Variants in SGCZ observed in about 807,000 individuals in gnomAD.
The protein encoded by SGCZ is sarcoglycan zeta, also known as zeta-sarcoglycan.
SGCZ carries 40 observed loss-of-function variants against 41.3 expected under a neutral mutation model. The ratio of observed to expected loss-of-function variants is 0.97; its 90% CI spans 0.75 to 1.26. The LOEUF (loss-of-function observed/expected upper bound fraction) is 1.26. SGCZ is among the 50% of genes most tolerant of loss of function. SGCZ has a pLI of 0.00. For missense variants in SGCZ, 552 were observed against 369.8 expected (o/e 1.49, Z -4.04); for synonymous variants, 206 against 137.5 (o/e 1.50, Z -3.49).
At chr8:14,962,651 AAC>A (rs1385947115) in intron 1 of SGCZ, among the ~76,000 whole-genome samples, 1 of 152,200 alleles carries the variant, frequency 6.6e-6, no homozygotes, top group Admixed American at 6.5e-5. Flanking sequence ...TAAGGAAAGT[AAC>A]ACAGTCACTA....
At chr8:14,617,514 T>C (rs967196666) in intron 1 of SGCZ, among the ~76,000 whole-genome samples, 1 of 152,180 alleles carries the variant, frequency 6.6e-6, no homozygotes, top group Non-Finnish European at 1.5e-5. Flanking sequence ...ATGTTGAGAT[T>C]TATAATGCCG....
intron 1 of SGCZ, among the ~76,000 whole-genome samples, chr8:14,715,400 G>T (rs772789402): frequency 6.6e-6 from 1 of 152,076 alleles, no homozygotes; most frequent in Admixed American, 6.6e-5. Context: ...TGGCCTAAGC[G>T]AAGACTGTGG....
chr8:14,284,375 G>A (rs1347800917), intron 3 of SGCZ, among the ~76,000 whole-genome samples: 1 of 152,240 alleles, frequency 6.6e-6, no homozygotes, highest in African/African-American at 2.4e-5. Flanking sequence ...CTGGGTGACA[G>A]AGCAAGACAT....
At chr8:15,193,501 G>C (rs1249470387) in intron 1 of SGCZ, among the ~76,000 whole-genome samples, 2 of 151,912 alleles carry the variant, frequency 1.3e-5, no homozygotes, top group Admixed American at 6.6e-5. Context: ...TGGTACTTTG[G>C]AGATGAAAAA....
At chr8:14,209,013 G>C (rs1439974734) in intron 4 of SGCZ, among the ~76,000 whole-genome samples, 2 of 152,198 alleles carry the variant, frequency 1.3e-5, no homozygotes, top group Non-Finnish European at 2.9e-5. Flanking sequence ...GCTGGTAGCT[G>C]TGCCAATAGG....
intron 1 of SGCZ, among the ~76,000 whole-genome samples, chr8:14,867,387 A>G (rs1441699198): frequency 6.6e-6 from 1 of 152,072 alleles, no homozygotes; most frequent in Non-Finnish European, 1.5e-5. Context: ...TGTATTTGCT[A>G]TAGGGAATAG....
intron 1 of SGCZ, among the ~76,000 whole-genome samples, chr8:14,609,896 G>A (rs768173058): frequency 1.3e-5 from 2 of 152,102 alleles, no homozygotes; most frequent in Admixed American, 6.6e-5. Context: ...AAGTGAGTAT[G>A]ACAGCTTTGA....
chr8:14,687,977 G>A (rs557535138), intron 1 of SGCZ, among the ~76,000 whole-genome samples: 201 of 152,196 alleles, frequency 1.3e-3, no homozygotes, highest in Non-Finnish European at 2.0e-3. Context: ...GTGTTTTTTG[G>A]CTGCATAAAT....
intron 1 of SGCZ, among the ~76,000 whole-genome samples, chr8:14,582,046 A>G (rs1475288199): frequency 6.6e-6 from 1 of 152,086 alleles, no homozygotes; most frequent in Non-Finnish European, 1.5e-5. Context: ...AGCCTACTCA[A>G]CGTGATGATG....
At chr8:14,563,088 G>T (rs1804255978) in intron 1 of SGCZ, among the ~76,000 whole-genome samples, 1 of 152,188 alleles carries the variant, frequency 6.6e-6, no homozygotes, top group Non-Finnish European at 1.5e-5. Context: ...CTGTGCTATG[G>T]CTGAAGTTTG....
At chr8:14,762,935 G>A (rs1198907496) in intron 1 of SGCZ, among the ~76,000 whole-genome samples, 1 of 152,148 alleles carries the variant, frequency 6.6e-6, no homozygotes, top group Non-Finnish European at 1.5e-5. Context: ...TTAGTTGTAT[G>A]AACTTAGAAA....
chr8:14,971,578 T>C (rs1309462993), intron 1 of SGCZ, among the ~76,000 whole-genome samples: 1 of 151,928 alleles, frequency 6.6e-6, no homozygotes, highest in Non-Finnish European at 1.5e-5. Flanking sequence ...GGTTTGAAAG[T>C]GTTAAACCAA....
intron 1 of SGCZ, among the ~76,000 whole-genome samples, chr8:14,626,332 T>G (rs1159279843): frequency 6.6e-6 from 1 of 151,994 alleles, no homozygotes; most frequent in Non-Finnish European, 1.5e-5. Context: ...CAGGCTCCTG[T>G]GTGTGTTGTT....
chr8:14,886,774 G>A (rs935521975), intron 1 of SGCZ, among the ~76,000 whole-genome samples: 1 of 152,146 alleles, frequency 6.6e-6, no homozygotes, highest in East Asian at 1.9e-4. Context: ...TAAAAGAGTA[G>A]CAACATGGTA....
chr8:14,242,199 A>G (rs1472624665), intron 3 of SGCZ, among the ~76,000 whole-genome samples: 1 of 152,204 alleles, frequency 6.6e-6, no homozygotes, highest in Non-Finnish European at 1.5e-5. Flanking sequence ...TGTTTCAGGT[A>G]AGGATTTAGC....
chr8:14,874,892 C>A (rs1175246962), intron 1 of SGCZ, among the ~76,000 whole-genome samples: 1 of 152,100 alleles, frequency 6.6e-6, no homozygotes, highest in Non-Finnish European at 1.5e-5. Context: ...AGACATTTTT[C>A]ATAAGTAACT....
At chr8:14,262,837 C>T (rs1232342161) in intron 3 of SGCZ, among the ~76,000 whole-genome samples, 1 of 148,296 alleles carries the variant, frequency 6.7e-6, no homozygotes, top group East Asian at 2.0e-4. Flanking sequence ...AAAAAAACAG[C>T]ACAGAGCTTC....
At chr8:14,872,773 A>G (rs1362787076) in intron 1 of SGCZ, among the ~76,000 whole-genome samples, 1 of 152,150 alleles carries the variant, frequency 6.6e-6, no homozygotes, top group Non-Finnish European at 1.5e-5. Flanking sequence ...AGTTAATTGT[A>G]AGCTCCTTGA....
intron 1 of SGCZ, among the ~76,000 whole-genome samples, chr8:15,068,567 A>G (rs1805236229): frequency 6.6e-6 from 1 of 152,200 alleles, no homozygotes; most frequent in African/African-American, 2.4e-5. Context: ...AAAAATATCA[A>G]ACAGCTAGTA....
Sources: gnomAD v4.1 joint callset for allele counts (sites outside exome capture counted in the v4.1 genomes callset) on GRCh38, gnomAD v4.1.1 for gene constraint, MANE v1.5 for transcripts, NCBI Gene and HGNC (gene_info 2026-07-23, HGNC 2026-07-21) for gene names.